Variants in IPO11 observed in about 807,000 individuals in gnomAD.
IPO11 encodes the protein importin 11.
IPO11 carries 66 observed loss-of-function variants against 143.2 expected under a neutral mutation model. The observed-to-expected ratio is 0.46, with a 90% CI of 0.38 to 0.57. IPO11 has a LOEUF of 0.57. Ranked by LOEUF, IPO11 falls within the 20% of genes least tolerant of loss-of-function variation. The probability of loss-of-function intolerance (pLI) is 0.00; values close to 1 mark genes in which losing one functional copy is unlikely to be tolerated. For synonymous variants in IPO11, 385 were observed against 377.8 expected (o/e 1.02, Z -0.22); for missense variants, 1,026 against 1,141.0 (o/e 0.90, Z 1.45).
At chr5:62,453,646 A>G (rs1184192152) in intron 5 of IPO11, among the ~76,000 whole-genome samples, 1 of 152,178 alleles carries the variant, frequency 6.6e-6, no homozygotes, top group Non-Finnish European at 1.5e-5. Flanking sequence ...GCTGTCTTCC[A>G]TGTCAAAAAC....
intron 5 of IPO11, 124 bp from the exon 6 acceptor site, chr5:62,467,007 C>T (rs1455869144): frequency 2.3e-6 from 2 of 853,950 alleles, no homozygotes; most frequent in Admixed American, 3.2e-5. Flanking sequence ...TATTCTTTGA[C>T]TATTTCAGAT....
chr5:62,452,258 T>A, intron 5 of IPO11, among the ~76,000 whole-genome samples: 1 of 150,738 alleles, frequency 6.6e-6, no homozygotes, highest in Middle Eastern at 3.4e-3. Context: ...AAAAATAAAA[T>A]AAAATAAAAA....
At chr5:62,466,485 A>G (rs1745580723) in intron 5 of IPO11, among the ~76,000 whole-genome samples, 1 of 152,218 alleles carries the variant, frequency 6.6e-6, no homozygotes, top group South Asian at 2.1e-4. Context: ...TTTAAAGTAA[A>G]TAGCCATGTA....
At chr5:62,545,724 G>A (rs187980802) in intron 24 of IPO11, among the ~76,000 whole-genome samples, 176 of 152,152 alleles carry the variant, frequency 1.2e-3, no homozygotes, top group Admixed American at 2.2e-3. Flanking sequence ...CTAATATCCA[G>A]AATCTACAAA....
chr5:62,474,193 G>A, intron 7 of IPO11, among the ~76,000 whole-genome samples: 1 of 152,276 alleles, frequency 6.6e-6, no homozygotes, highest in East Asian at 1.9e-4. Context: ...AGTGATTTAT[G>A]TAACTAAATG....
intron 7 of IPO11, among the ~76,000 whole-genome samples, chr5:62,470,811 A>ACC (rs1745738666): frequency 9.2e-6 from 1 of 108,356 alleles, no homozygotes; most frequent in Non-Finnish European, 1.8e-5. Context: ...GTAGATAGCC[A>ACC]TCTTCTTTTT....
At chr5:62,502,843 G>A (rs1222896249) in intron 16 of IPO11, among the ~76,000 whole-genome samples, 13 of 150,422 alleles carry the variant, frequency 8.6e-5, no homozygotes, top group Non-Finnish European at 1.2e-4. Context: ...TCCTTTTTCC[G>A]AGTTGGAGTC....
intron 22 of IPO11, among the ~76,000 whole-genome samples, chr5:62,535,017 A>ATATT (rs70981023): frequency 0.25 from 35,741 of 142,428 alleles, 4,751 homozygotes; most frequent in East Asian, 0.39. Flanking sequence ...TATAATATTA[A>ATATT]TATTTATTTA....
chr5:62,513,413 GA>G (rs1482656914), intron 19 of IPO11, among the ~76,000 whole-genome samples: 1 of 50,056 alleles, frequency 2.0e-5, no homozygotes, highest in Non-Finnish European at 4.6e-5. Context: ...AGGGGGCGCT[GA>G]CCCCCCCCCC....
At chr5:62,618,481 G>A (rs796775314) in intron 29 of IPO11, among the ~76,000 whole-genome samples, 10 of 152,078 alleles carry the variant, frequency 6.6e-5, no homozygotes, top group African/African-American at 2.4e-4. Context: ...AGACAGAAAA[G>A]TACTAAAATT....
Position 62,476,704 on chromosome 5 carries a change from A to G in IPO11, c.779A>G (p.Asn260Ser), listed in dbSNP as rs1283964422. The G allele has an allele frequency of 1.3e-6, 2 of 1,521,168 alleles. No individual in the cohort carries two copies. Among genetic ancestry groups the G allele is most frequent in the Non-Finnish European group, 8.8e-7 (1 of 1,132,700 alleles). 94.2% of individuals were successfully genotyped at this position (1,521,168 alleles called of 1,614,324 possible). A position where few individuals can be genotyped will look rare whatever the true frequency, so the allele number is the denominator to read the frequency against. The change falls in exon 9 of 30, where the codon AAT (asparagine) becomes AGT (serine). Residue 260 changes from asparagine (N) to serine (S), a missense_variant. Asn to Ser is a conservative substitution (Grantham distance 46). This residue lies in a region of IPO11 where 429 missense variants were observed against 456.3 expected (regional missense o/e 0.94). Transcript: ENST00000325324. ...ACAGGTAGAAGTATAGGTACAGATA[A>G]TGTGTGTAGAGATAGACTGGAAAAG... ...LECSRSIGTD[N>S]VCRDRLEKTI...
intron 1 of IPO11, among the ~76,000 whole-genome samples, chr5:62,422,112 A>G (rs1269447950): frequency 6.6e-6 from 1 of 151,848 alleles, no homozygotes; most frequent in Non-Finnish European, 1.5e-5. Context: ...ATTTTTTTTC[A>G]TATCCAAGAA....
chr5:62,487,888 G>A, intron 13 of IPO11, 27 bp downstream of exon 13: 1 of 1,570,304 alleles, frequency 6.4e-7, no homozygotes. Context: ...GATTAACTTT[G>A]AGTTAATCTC....
chr5:62,420,595 T>C (rs1459169136), intron 1 of IPO11, among the ~76,000 whole-genome samples: 1 of 151,962 alleles, frequency 6.6e-6, no homozygotes, highest in African/African-American at 2.4e-5. Flanking sequence ...TTTTTTTTTT[T>C]TTGAGACAGG....
At position 62,483,089 on chromosome 5, in the gene IPO11, A is replaced by G. The variant is rs1561329151; in HGVS notation, c.829-12A>G. On this transcript the variant is annotated splice_polypyrimidine_tract_variant and intron_variant, in intron 9 of 29. Coordinates refer to ENST00000325324, the MANE Select transcript of IPO11 (RefSeq NM_016338.5). Reference sequence around the variant, plus strand: ...AATACATTTTAATTTTTATTTATTTATTTTTCTACAGCTTTTGGACTTCTT... The same window carrying G: ...AATACATTTTAATTTTTATTTATTTGTTTTTCTACAGCTTTTGGACTTCTT... The G allele has an allele frequency of 6.7e-7, 1 of 1,494,024 alleles. No homozygotes were observed. Among genetic ancestry groups the G allele is most frequent in the Non-Finnish European group, 9.2e-7 (1 of 1,091,932 alleles). 92.5% of individuals were successfully genotyped at this position (1,494,024 alleles called of 1,614,324 possible).
At chr5:62,487,034 T>G (rs956460177) in intron 12 of IPO11, among the ~76,000 whole-genome samples, 1 of 152,168 alleles carries the variant, frequency 6.6e-6, no homozygotes, top group Non-Finnish European at 1.5e-5. Context: ...AAATAAAAAA[T>G]TATTTTAAAA....
Position 62,433,153 on chromosome 5 carries a change from G to GT in IPO11, c.-6-4111dup, listed in dbSNP as rs960866638. ...TAATTTTGGCACCTTTTTGTTTTTT[G>GT]TTTTTTTTTTAAAGTCAATCTACTT... On this transcript the variant is annotated intron_variant, in intron 1 of 29. Transcript: ENST00000325324. Among the ~76,000 whole-genome samples, 198 of 147,222 alleles carry GT rather than the reference G, an allele frequency of 1.3e-3. 4 individuals carry two copies. Among genetic ancestry groups the GT allele is most frequent in the East Asian group, 1.4e-3 (7 of 5,082 alleles).
chr5:62,493,323 A>G (rs1307668263), intron 15 of IPO11, among the ~76,000 whole-genome samples: 1 of 152,072 alleles, frequency 6.6e-6, no homozygotes, highest in African/African-American at 2.4e-5. Flanking sequence ...CTTTATTATT[A>G]TTTTTGGGGA....
At chr5:62,424,454 A>G (rs1001496118) in intron 1 of IPO11, among the ~76,000 whole-genome samples, 28 of 151,188 alleles carry the variant, frequency 1.9e-4, no homozygotes, top group African/African-American at 6.3e-4. Context: ...TCTTTTTGAG[A>G]AGAAGTCTCT....
Sources: allele counts gnomAD v4.1 joint callset (sites outside exome capture counted in the v4.1 genomes callset), GRCh38; gene constraint gnomAD v4.1.1; regional missense constraint gnomAD v4.1.1; transcripts MANE v1.5; gene names NCBI Gene and HGNC (gene_info 2026-07-23, HGNC 2026-07-21).